ERICH6: variants seen among roughly 807,000 people sequenced by gnomAD.
ERICH6 encodes the protein glutamate rich 6.
In ERICH6, 71 loss-of-function variants were observed where a neutral mutation model predicts 71.0. The ratio of observed to expected loss-of-function variants is 1.00; its 90% CI spans 0.83 to 1.22. The LOEUF (loss-of-function observed/expected upper bound fraction) is 1.22. ERICH6 is among the 50% of genes most tolerant of loss of function. ERICH6 has a pLI of 0.00. For missense variants in ERICH6, 808 were observed against 797.2 expected, an observed-to-expected ratio of 1.01 and a Z score of -0.16; for synonymous variants, 262 against 278.4, an observed-to-expected ratio of 0.94 and a Z score of 0.59.
chr3:150,677,400 A>G (rs980958903), intron 10 of ERICH6, among the ~76,000 whole-genome samples: 1 of 152,186 alleles, frequency 6.6e-6, no homozygotes, highest in African/African-American at 2.4e-5. Flanking sequence ...AATTGTTAAG[A>G]ATCAGTATGT....
rs1302926577 is a variant in ERICH6, at chr3:150,664,935, C to T, written c.1728+1852G>A. 3.3e-5 allele frequency among the ~76,000 whole-genome samples: 5 copies of T among 150,810 alleles called. No homozygotes were observed. In the East Asian group the frequency reaches 9.7e-4, roughly 29 times the overall value. ...CTTTAATAATGAACTCTTCCTTTTG[C>T]ATCAAAATGACTCTTTTTTGATTAA... is the stretch of plus-strand genomic sequence containing the variant. On this transcript the variant is annotated intron_variant, in intron 13 of 13. Transcript: ENST00000295910.
intron 3 of ERICH6, among the ~76,000 whole-genome samples, chr3:150,694,749 T>G (rs1712589332): frequency 6.6e-6 from 1 of 152,242 alleles, no homozygotes; most frequent in Non-Finnish European, 1.5e-5. Flanking sequence ...GAAACCTGTC[T>G]CAGATACTTT....
intron 7 of ERICH6, among the ~76,000 whole-genome samples, chr3:150,682,007 G>A (rs1161127196): frequency 6.6e-6 from 1 of 151,778 alleles, no homozygotes; most frequent in Non-Finnish European, 1.5e-5. Context: ...TAGACACAGG[G>A]TTTCACCGTG....
intron 10 of ERICH6, among the ~76,000 whole-genome samples, chr3:150,675,857 CCT>C (rs1711631929): frequency 7.4e-6 from 1 of 134,852 alleles, no homozygotes; most frequent in Non-Finnish European, 1.6e-5. Context: ...TTCTTTCTTT[CCT>C]TTTTTTTTTT....
intron 10 of ERICH6, among the ~76,000 whole-genome samples, chr3:150,678,136 A>C (rs1711733237): frequency 6.6e-6 from 1 of 152,182 alleles, no homozygotes; most frequent in African/African-American, 2.4e-5. Context: ...AGTGATTGGG[A>C]CTTTTGGTAA....
intron 3 of ERICH6, among the ~76,000 whole-genome samples, chr3:150,693,439 C>A (rs558288421): frequency 2.0e-5 from 3 of 152,258 alleles, no homozygotes; most frequent in African/African-American, 7.2e-5. Flanking sequence ...ATGTCACTTT[C>A]TGACAGGCCT....
intron 3 of ERICH6, among the ~76,000 whole-genome samples, chr3:150,690,025 A>T (rs182561267): frequency 2.1e-4 from 32 of 151,834 alleles, no homozygotes; most frequent in African/African-American, 5.1e-4. Context: ...TTTAAAAAAA[A>T]TTTTTTTTTA....
At chr3:150,691,048 G>C (rs1466184141) in intron 3 of ERICH6, among the ~76,000 whole-genome samples, 1 of 152,164 alleles carries the variant, frequency 6.6e-6, no homozygotes. Flanking sequence ...GTATGCCCAG[G>C]AATGAACAAG....
chr3:150,662,270 T>A (rs141305547), intron 13 of ERICH6, among the ~76,000 whole-genome samples: 34 of 152,080 alleles, frequency 2.2e-4, no homozygotes, highest in African/African-American at 7.5e-4. Flanking sequence ...AAGAAGAGAG[T>A]CAGCATCTTT....
chr3:150,702,306 T>C, intron 1 of ERICH6, 128 bp from the exon 2 acceptor site: 1 of 516,170 alleles, frequency 1.9e-6, no homozygotes, highest in Non-Finnish European at 3.3e-6. Context: ...AGACGGAGTC[T>C]CGCTCTGTCG....
At chr3:150,696,952 A>C (rs1433055390) in intron 3 of ERICH6, among the ~76,000 whole-genome samples, 1 of 152,194 alleles carries the variant, frequency 6.6e-6, no homozygotes, top group African/African-American at 2.4e-5. Flanking sequence ...CACAAAGAGG[A>C]GGCGGCTTAC....
intron 3 of ERICH6, among the ~76,000 whole-genome samples, chr3:150,691,999 G>C (rs1168204117): frequency 6.6e-6 from 1 of 152,100 alleles, no homozygotes; most frequent in Admixed American, 6.6e-5. Flanking sequence ...CTGTGAGATT[G>C]TAAGAGCCAA....
chr3:150,662,538 G>C (rs1239899605), intron 13 of ERICH6, among the ~76,000 whole-genome samples: 1 of 152,026 alleles, frequency 6.6e-6, no homozygotes, highest in Non-Finnish European at 1.5e-5. Flanking sequence ...CAACCACAAA[G>C]AAAATATCAA....
At chr3:150,697,333 TA>T (rs1320572012) in intron 3 of ERICH6, among the ~76,000 whole-genome samples, 1 of 152,200 alleles carries the variant, frequency 6.6e-6, no homozygotes, top group Non-Finnish European at 1.5e-5. Context: ...CTTTTGACCT[TA>T]AAAAATAAGA....
intron 11 of ERICH6, among the ~76,000 whole-genome samples, chr3:150,671,152 T>TA (rs1468203752): frequency 6.6e-6 from 1 of 152,126 alleles, no homozygotes; most frequent in African/African-American, 2.4e-5. Flanking sequence ...TTGATGTAAT[T>TA]AAAACAAAAC....
chr3:150,685,534 G>T (rs936802641), intron 6 of ERICH6, among the ~76,000 whole-genome samples: 1 of 151,960 alleles, frequency 6.6e-6, no homozygotes, highest in Non-Finnish European at 1.5e-5. Flanking sequence ...GTAAGTTTCT[G>T]TTGTTTTAAG....
intron 11 of ERICH6, among the ~76,000 whole-genome samples, chr3:150,670,829 T>C (rs527451937): frequency 1.0e-3 from 153 of 152,356 alleles, no homozygotes; most frequent in African/African-American, 2.9e-3. Context: ...CTCATTTCCA[T>C]ATCCAGGCTG....
intron 7 of ERICH6, among the ~76,000 whole-genome samples, chr3:150,681,545 T>C (rs1045479330): frequency 2.6e-5 from 4 of 152,234 alleles, no homozygotes; most frequent in Admixed American, 2.0e-4. Context: ...TGTTGCCATT[T>C]TCTTGGGTAT....
At chr3:150,663,825 T>C (rs539603590) in intron 13 of ERICH6, among the ~76,000 whole-genome samples, 30 of 152,076 alleles carry the variant, frequency 2.0e-4, no homozygotes, top group African/African-American at 7.0e-4. Context: ...GTATGTTGAA[T>C]TGGAATCAGA....
Sources: allele counts gnomAD v4.1 joint callset (sites outside exome capture counted in the v4.1 genomes callset), GRCh38; gene constraint gnomAD v4.1.1; transcripts MANE v1.5; gene names NCBI Gene and HGNC (gene_info 2026-07-23, HGNC 2026-07-21).